RPS6KC1: variants seen among roughly 807,000 people sequenced by gnomAD.
RPS6KC1 encodes ribosomal protein S6 kinase C1, also known as inactive ribosomal protein S6 kinase delta-1.
A neutral mutation model predicts 103.8 loss-of-function variants in RPS6KC1; 54 were observed. The observed-to-expected ratio is 0.52, with a 90% CI of 0.42 to 0.65. The LOEUF (loss-of-function observed/expected upper bound fraction) is 0.65, where lower values mean the gene tolerates loss of function less well. Among genes scored for constraint, RPS6KC1 ranks in the 30% least tolerant of loss-of-function variants. The probability of loss-of-function intolerance (pLI) is 0.00; values close to 1 mark genes in which losing one functional copy is unlikely to be tolerated. For synonymous variants in RPS6KC1, 439 were observed against 438.7 expected (o/e 1.00, Z -0.01); for missense variants, 1,151 against 1,253.8 (o/e 0.92, Z 1.24).
intron 8 of RPS6KC1, among the ~76,000 whole-genome samples, chr1:213,224,564 A>G (rs1178334757): frequency 6.6e-6 from 1 of 152,204 alleles, no homozygotes; most frequent in Non-Finnish European, 1.5e-5. Context: ...AGTTTTAGTT[A>G]TAGTACTTGT....
the RPS6KC1 span, among the ~76,000 whole-genome samples, chr1:213,647,830 G>T: frequency 6.6e-6 from 1 of 152,176 alleles, no homozygotes; most frequent in Non-Finnish European, 1.5e-5. Flanking sequence ...GCCATTTGAA[G>T]AAACAATACA....
At chr1:213,736,810 C>A in the RPS6KC1 span, among the ~76,000 whole-genome samples, 1 of 152,220 alleles carries the variant, frequency 6.6e-6, no homozygotes, top group Admixed American at 6.5e-5. Flanking sequence ...ACTCCTTGGT[C>A]CCAGGCAAAT....
At chr1:213,315,925 AT>A in the RPS6KC1 span, among the ~76,000 whole-genome samples, 2 of 152,258 alleles carry the variant, frequency 1.3e-5, no homozygotes, top group African/African-American at 4.8e-5. Flanking sequence ...CTACCTTATA[AT>A]CATTCACATT....
the RPS6KC1 span, among the ~76,000 whole-genome samples, chr1:213,331,445 C>T: frequency 2.6e-5 from 4 of 152,162 alleles, no homozygotes; most frequent in Admixed American, 2.0e-4. Context: ...TTAGTTCTGA[C>T]GAGTCAACGG....
At chr1:213,570,593 C>T in the RPS6KC1 span, among the ~76,000 whole-genome samples, 1 of 152,180 alleles carries the variant, frequency 6.6e-6, no homozygotes, top group Non-Finnish European at 1.5e-5. Context: ...CAGTGAAGAA[C>T]TTTTCATTTC....
chr1:213,149,566 T>C (rs1018739474), intron 6 of RPS6KC1, among the ~76,000 whole-genome samples: 9 of 152,232 alleles, frequency 5.9e-5, no homozygotes, highest in Admixed American at 4.6e-4. Context: ...TGACCTGACA[T>C]ATGGTCTGTC....
chr1:213,167,489 C>CAA (rs58321001), intron 6 of RPS6KC1, among the ~76,000 whole-genome samples: 18,634 of 125,896 alleles, frequency 0.15, 1,571 homozygotes, highest in African/African-American at 0.17. Flanking sequence ...CACACACACA[C>CAA]AACAGCTGTT....
At chr1:213,170,529 G>A (rs1040435064) in intron 7 of RPS6KC1, among the ~76,000 whole-genome samples, 4 of 152,162 alleles carry the variant, frequency 2.6e-5, no homozygotes, top group Admixed American at 6.5e-5. Flanking sequence ...ACATAGTTGA[G>A]CAAACAAAGT....
At chr1:213,530,071 C>T in the RPS6KC1 span, among the ~76,000 whole-genome samples, 3 of 134,868 alleles carry the variant, frequency 2.2e-5, no homozygotes, top group African/African-American at 6.7e-5. Context: ...TATTATTATA[C>T]GATAAGTTTT....
chr1:213,457,607 C>T, the RPS6KC1 span, among the ~76,000 whole-genome samples: 2 of 152,148 alleles, frequency 1.3e-5, no homozygotes, highest in African/African-American at 2.4e-5. Context: ...TTTCCAAGTC[C>T]TAGGTATGGT....
intron 5 of RPS6KC1, among the ~76,000 whole-genome samples, chr1:213,118,318 A>G (rs533455104): frequency 1.4e-4 from 22 of 152,182 alleles, no homozygotes; most frequent in Admixed American, 9.8e-4. Flanking sequence ...TACGGAAAAA[A>G]AAAGATTTGG....
the RPS6KC1 span, among the ~76,000 whole-genome samples, chr1:213,485,968 C>G: frequency 1.3e-5 from 2 of 152,202 alleles, no homozygotes. Context: ...TCTGCTTCCT[C>G]TGCTAGAGAA....
chr1:213,277,421 C>T (rs937289390), downstream of RPS6KC1, among the ~76,000 whole-genome samples: 3 of 152,122 alleles, frequency 2.0e-5, no homozygotes, highest in East Asian at 1.9e-4. Context: ...GAATTTGTGG[C>T]GGTGTAAGAG....
chr1:213,271,783 AT>A (rs1346127660), intron 14 of RPS6KC1, among the ~76,000 whole-genome samples: 11 of 151,036 alleles, frequency 7.3e-5, no homozygotes, highest in African/African-American at 2.4e-4. Flanking sequence ...AAAAAAAAAA[AT>A]GTTCTAAAAC....
chr1:213,417,908 A>G, the RPS6KC1 span, among the ~76,000 whole-genome samples: 2 of 152,170 alleles, frequency 1.3e-5, no homozygotes. Flanking sequence ...GATACCGGTC[A>G]TTAAATTCCC....
chr1:213,520,100 A>T, the RPS6KC1 span, among the ~76,000 whole-genome samples: 1 of 152,152 alleles, frequency 6.6e-6, no homozygotes, highest in Non-Finnish European at 1.5e-5. Flanking sequence ...GTTCTATTCC[A>T]TTACCTGTCT....
chr1:213,095,694 T>C (rs1351496555), intron 3 of RPS6KC1, among the ~76,000 whole-genome samples: 1 of 152,204 alleles, frequency 6.6e-6, no homozygotes, highest in African/African-American at 2.4e-5. Flanking sequence ...ACACAGAATA[T>C]TTTGGTTTCC....
chr1:213,276,173 T>C (rs1356013895), downstream of RPS6KC1, among the ~76,000 whole-genome samples: 1 of 152,168 alleles, frequency 6.6e-6, no homozygotes, highest in Non-Finnish European at 1.5e-5. Context: ...TGAATTTGCT[T>C]GCCCACAAGT....
chr1:213,496,152 C>A, the RPS6KC1 span, among the ~76,000 whole-genome samples: 1 of 151,116 alleles, frequency 6.6e-6, no homozygotes, highest in Non-Finnish European at 1.5e-5. Flanking sequence ...AAATATATAA[C>A]AAATATTAGA....
Sources: gnomAD v4.1 joint callset for allele counts (sites outside exome capture counted in the v4.1 genomes callset) on GRCh38, gnomAD v4.1.1 for gene constraint, MANE v1.5 for transcripts, NCBI Gene and HGNC (gene_info 2026-07-23, HGNC 2026-07-21) for gene names.